The following HDLBP variants were observed in gnomAD, a reference collection of about 807,000 sequenced individuals.
The protein encoded by HDLBP is vigilin.
In HDLBP, 30 loss-of-function variants were observed where a neutral mutation model predicts 137.3. The ratio of observed to expected loss-of-function variants is 0.22; its 90% CI spans 0.16 to 0.30. The LOEUF is 0.30. Among genes scored for constraint, HDLBP ranks in the 10% least tolerant of loss-of-function variants. The probability of loss-of-function intolerance (pLI) is 1.00; values close to 1 mark genes in which losing one functional copy is unlikely to be tolerated. For synonymous variants in HDLBP, 606 were observed against 596.0 expected (o/e 1.02, Z -0.24); for missense variants, 1,119 against 1,667.3 (o/e 0.67, Z 5.73).
Position 241,283,474 on chromosome 2 carries a change from CT to C in HDLBP, c.-102-14934del, listed in dbSNP as rs961552851. 6.2e-3 allele frequency among the ~76,000 whole-genome samples: 877 copies of C among 141,980 alleles called. 5 individuals are homozygous for C. Among genetic ancestry groups the C allele is most frequent in the Middle Eastern group, 0.033 (9 of 272 alleles). The allele number at this position is 141,980 out of a possible 152,430, so 93.1% of individuals were successfully genotyped here. On this transcript the variant is annotated intron_variant, in intron 1 of 27. Transcript: ENST00000310931. ...AAGGACTTTGATAGCTAGATGGCTT[CT>C]TTTTTTTTTTTTTTCTTGAGACAGA...
chr2:241,315,477 G>C (rs1040815813), intron 1 of HDLBP, 93 bp downstream of exon 1: 3 of 152,328 alleles, frequency 2.0e-5, no homozygotes, highest in Non-Finnish European at 4.4e-5. Flanking sequence ...TCCCGCGACC[G>C]CCTCTCTCCT....
At chr2:241,248,524 C>T (rs147162430) in intron 12 of HDLBP, among the ~76,000 whole-genome samples, 176 bp from the exon 13 acceptor site, 7 of 152,188 alleles carry the variant, frequency 4.6e-5, no homozygotes, top group Admixed American at 1.3e-4. Flanking sequence ...GTGTGCACAG[C>T]GCATAATGAG....
In HDLBP at chr2:241,272,974, G is replaced by A; in HGVS notation, c.-102-4433C>T. 2 of 971,428 alleles carry A rather than the reference G, an allele frequency of 2.1e-6. No homozygotes were observed. Among genetic ancestry groups the A allele is most frequent in the Non-Finnish European group, 2.4e-6 (2 of 816,946 alleles). The allele number at this position is 971,428 out of a possible 1,614,324, so 60.2% of individuals were successfully genotyped here. ...CCGGGAGGCCCACCCAACTGCAGGCGTGGTTCTGCATCCTTTTTTCGGGTG... is the reference window on the plus strand; with the variant it reads ...CCGGGAGGCCCACCCAACTGCAGGCATGGTTCTGCATCCTTTTTTCGGGTG... On this transcript the variant is annotated intron_variant, in intron 1 of 27. Transcript: ENST00000310931. This position sits in a 1 kb window ranked among gnomAD's most constrained non-coding sequence, Gnocchi z 5.6.
At chr2:241,295,582 C>T (rs905234845) in intron 1 of HDLBP, among the ~76,000 whole-genome samples, 1 of 152,188 alleles carries the variant, frequency 6.6e-6, no homozygotes, top group Non-Finnish European at 1.5e-5. Context: ...TTCATCTACA[C>T]CCCCAATCAC....
At chr2:241,232,859 A>AG (rs2069938129) in intron 24 of HDLBP, among the ~76,000 whole-genome samples, 1 of 151,956 alleles carries the variant, frequency 6.6e-6, no homozygotes, top group African/African-American at 2.4e-5. Flanking sequence ...TAAAAATTAA[A>AG]AAATGTATGT....
intron 16 of HDLBP, among the ~76,000 whole-genome samples, chr2:241,245,221 T>C (rs1413965360): frequency 1.1e-4 from 16 of 151,892 alleles, no homozygotes; most frequent in Admixed American, 1.0e-3. Flanking sequence ...TCTGGCTCTA[T>C]GGCCCAGGCT....
intron 1 of HDLBP, among the ~76,000 whole-genome samples, chr2:241,296,479 GATATTGATTTATTTGACCCT>G (rs1307670430): frequency 2.0e-5 from 3 of 152,186 alleles, no homozygotes; most frequent in South Asian, 4.1e-4. Flanking sequence ...CACTGAGGAA[GATATTGATTTATTTGACCCT>G]ATCAGAGCAT....
Position 241,230,456 on chromosome 2 carries a change from C to T in HDLBP, c.3475-187G>A, listed in dbSNP as rs1445570707. 6.6e-6 allele frequency among the ~76,000 whole-genome samples: 1 copy of T among 152,260 alleles called. No individual in the cohort carries two copies. The highest frequency in any genetic ancestry group is 1.9e-4 in the East Asian group (1 of 5,200). ...AGGTGTATCTCAGGAGCACCTTGTT[C>T]CCAGCAGACAGAGGGCCGCAGCACG... On this transcript the variant is annotated intron_variant, in intron 25 of 27. Transcript: ENST00000310931. This position sits in a 1 kb window ranked among gnomAD's most constrained non-coding sequence, Gnocchi z 5.0.
Position 241,255,173 on chromosome 2 carries a change from G to T in HDLBP, c.1081-15C>A. ...AAGCTATTGGCCTAAGAAAATGGGA[G>T]AACAGCCATGGGTTTGCAGAGCTCA... On this transcript the variant is annotated splice_polypyrimidine_tract_variant and intron_variant, in intron 8 of 27. Coordinates refer to ENST00000310931, the MANE Select transcript of HDLBP (RefSeq NM_005336.6). 6.2e-7 allele frequency: 1 copy of T among 1,608,386 alleles called. No homozygotes were observed. Among genetic ancestry groups the T allele is most frequent in the South Asian group, 1.1e-5 (1 of 90,882 alleles).
rs2074488136 is a variant in HDLBP at position 241,278,704 on chromosome 2, A to G, written c.-102-10163T>C. On this transcript the variant is annotated intron_variant, in intron 1 of 27. Coordinates refer to ENST00000310931, the MANE Select transcript of HDLBP (RefSeq NM_005336.6). ...AGTTACCAGAATTGAAAATGAACCA[A>G]AACTGCCAGTATTCACAGACAATAT... Among the ~76,000 whole-genome samples, 4 of 152,194 alleles carry G rather than the reference A, an allele frequency of 2.6e-5. No homozygotes were observed. In the South Asian group the frequency reaches 8.3e-4, roughly 32 times the overall value.
intron 1 of HDLBP, among the ~76,000 whole-genome samples, chr2:241,314,337 T>C (rs1407087320): frequency 6.6e-6 from 1 of 152,222 alleles, no homozygotes; most frequent in Non-Finnish European, 1.5e-5. Flanking sequence ...AAGCTTATTA[T>C]GCAATGTGCC....
intron 1 of HDLBP, among the ~76,000 whole-genome samples, chr2:241,287,924 G>A (rs2074882330): frequency 1.3e-5 from 2 of 152,202 alleles, no homozygotes; most frequent in African/African-American, 4.8e-5. Flanking sequence ...CTGTGAAGCT[G>A]TAGAATGTGA....
rs1036528242 is a variant in HDLBP, at chr2:241,228,535, C to T, written c.*1066G>A. The T allele has an allele frequency of 5.9e-5, 9 of 152,436 alleles. No individual in the cohort carries two copies. Among genetic ancestry groups the T allele is most frequent in the Non-Finnish European group, 7.3e-5 (5 of 68,110 alleles). 9.4% of individuals were successfully genotyped at this position (152,436 alleles called of 1,614,324 possible). The stretch of plus-strand genomic sequence containing the variant: ...CCAGATGGGCCTGCTGGCCACTGAC[C>T]CACCTGTGCTGAGGGAGAGCGCCAG... On this transcript the variant is annotated 3_prime_UTR_variant, in exon 28 of 28. Transcript: ENST00000310931.
Position 241,272,720 on chromosome 2 carries a change from C to CCCCGT in HDLBP, c.-102-4180_-102-4179insACGGG. ...CCCGGCAGCCCGCCCGCCCCGTCCG[C>CCCCGT]CCGCCCGCCCAGGCCTCCCAGCCCC... On this transcript the variant is annotated intron_variant, in intron 1 of 27. Transcript: ENST00000310931. This position sits in a 1 kb window ranked among gnomAD's most constrained non-coding sequence, Gnocchi z 5.6. The CCCCGT allele has an allele frequency of 1.9e-6, 1 of 539,740 alleles. No homozygotes were observed. The highest frequency in any genetic ancestry group is 2.1e-5 in the African/African-American group (1 of 46,866). 33.4% of individuals were successfully genotyped at this position (539,740 alleles called of 1,614,324 possible).
Position 241,264,502 on chromosome 2 carries a change from G to A in HDLBP, c.180C>T (p.Pro60=), listed in dbSNP as rs754569913. The A allele has an allele frequency of 2.4e-5, 39 of 1,612,306 alleles. No individual in the cohort carries two copies. Among genetic ancestry groups the A allele is most frequent in the South Asian group, 1.5e-4 (14 of 91,048 alleles). Residue 60 remains proline (P), a synonymous_variant, in exon 4 of 28, where the codon CCC becomes CCT. Transcript: ENST00000310931. ...GGATCTTGTTCCCCCAGGCTCCAGC[G>A]GGTTCCTGGGCACTTTCCAGGCAAG... ...KAACLESAQE[P]AGAWGNKIRP...
chr2:241,300,066 ATT>A (rs79956325), intron 1 of HDLBP, among the ~76,000 whole-genome samples: 5,059 of 151,172 alleles, frequency 0.033, 507 homozygotes, highest in Admixed American at 0.19. Flanking sequence ...TTCATAAAAG[ATT>A]TTTTTTTTCT....
chr2:241,309,921 T>A (rs2075711712), intron 1 of HDLBP, among the ~76,000 whole-genome samples: 1 of 152,150 alleles, frequency 6.6e-6, no homozygotes, highest in African/African-American at 2.4e-5. Context: ...AAGGGTGCTG[T>A]AAGGAAATGG....
At chr2:241,296,492 T>A (rs1286703192) in intron 1 of HDLBP, among the ~76,000 whole-genome samples, 1 of 152,210 alleles carries the variant, frequency 6.6e-6, no homozygotes, top group African/African-American at 2.4e-5. Context: ...ATTGATTTAT[T>A]TGACCCTATC....
chr2:241,289,218 A>G (rs1376064802), intron 1 of HDLBP, among the ~76,000 whole-genome samples: 1 of 152,166 alleles, frequency 6.6e-6, no homozygotes, highest in East Asian at 1.9e-4. Context: ...TGGCACTCCA[A>G]TGTGCGATCT....
Sources: allele counts gnomAD v4.1 joint callset (sites outside exome capture counted in the v4.1 genomes callset), GRCh38; gene constraint gnomAD v4.1.1; non-coding constraint Gnocchi (gnomAD v3.1); transcripts MANE v1.5; gene names NCBI Gene and HGNC (gene_info 2026-07-23, HGNC 2026-07-21).